Variants in ITGA9 observed in about 807,000 individuals in gnomAD.
ITGA9 encodes integrin subunit alpha 9.
ITGA9 carries 56 observed loss-of-function variants against 127.8 expected under a neutral mutation model. The ratio of observed to expected loss-of-function variants is 0.44; its 90% CI spans 0.35 to 0.55. The LOEUF (loss-of-function observed/expected upper bound fraction) is 0.55, where lower values mean the gene tolerates loss of function less well. Ranked by LOEUF, ITGA9 falls within the 20% of genes least tolerant of loss-of-function variation. The probability of loss-of-function intolerance (pLI) is 0.00; values close to 1 mark genes in which losing one functional copy is unlikely to be tolerated. For missense variants in ITGA9, 1,196 were observed against 1,347.1 expected, an observed-to-expected ratio of 0.89 and a Z score of 1.76; for synonymous variants, 508 against 514.5, an observed-to-expected ratio of 0.99 and a Z score of 0.17.
intron 15 of ITGA9, among the ~76,000 whole-genome samples, chr3:37,596,013 G>A (rs1043784091): frequency 9.2e-5 from 14 of 152,186 alleles, no homozygotes; most frequent in African/African-American, 2.7e-4. Context: ...ATTGTGCAAG[G>A]TGCTAGGAAT....
chr3:37,557,067 A>G (rs1457109029), intron 15 of ITGA9, among the ~76,000 whole-genome samples: 1 of 152,210 alleles, frequency 6.6e-6, no homozygotes, highest in Non-Finnish European at 1.5e-5. Flanking sequence ...ACTTCACTGC[A>G]GTGTTTTTGG....
At position 37,747,716 on chromosome 3, in the gene ITGA9, CT is replaced by C. The variant is rs56897652; in HGVS notation, c.2434-2734del. On this transcript the variant is annotated intron_variant, in intron 22 of 27. Coordinates refer to ENST00000264741, the MANE Select transcript of ITGA9 (RefSeq NM_002207.3). ...CTGGCTTATTTCTTTCCTTTTTTTT[CT>C]TTTTTTTTTTTGTTTTGTTTTGTTT... 1.4e-3 allele frequency among the ~76,000 whole-genome samples: 202 copies of C among 139,920 alleles called. 1 individual carries two copies. The highest frequency in any genetic ancestry group is 1.8e-3 in the Non-Finnish European group (114 of 64,862). 91.8% of individuals were successfully genotyped at this position (139,920 alleles called of 152,430 possible).
intron 15 of ITGA9, among the ~76,000 whole-genome samples, chr3:37,612,247 C>A (rs1409150822): frequency 6.6e-6 from 1 of 152,082 alleles, no homozygotes; most frequent in Non-Finnish European, 1.5e-5. Flanking sequence ...GCACGTGGAT[C>A]CTTTCTCAGA....
At chr3:37,647,793 A>G (rs549342802) in intron 16 of ITGA9, among the ~76,000 whole-genome samples, 1 of 152,306 alleles carries the variant, frequency 6.6e-6, no homozygotes, top group Non-Finnish European at 1.5e-5. Flanking sequence ...CATGTTATCA[A>G]AAATGGCAGG....
At chr3:37,641,523 C>T (rs956429053) in intron 16 of ITGA9, among the ~76,000 whole-genome samples, 3 of 152,044 alleles carry the variant, frequency 2.0e-5, no homozygotes, top group Non-Finnish European at 2.9e-5. Flanking sequence ...GGGAGCCAGC[C>T]GCACCACCAT....
At position 37,744,014 on chromosome 3, in the gene ITGA9, C is replaced by T; in HGVS notation, c.2413C>T (p.Pro805Ser). The T allele has an allele frequency of 1.9e-6, 3 of 1,613,238 alleles. No individual in the cohort carries two copies. The highest frequency in any genetic ancestry group is 2.5e-6 in the Non-Finnish European group (3 of 1,179,156). The change falls in exon 22 of 28, where the codon CCC (proline) becomes TCC (serine). Residue 805 changes from proline to serine, a missense_variant. Pro to Ser is a moderately conservative substitution (Grantham distance 74, BLOSUM62 -1). Transcript: ENST00000264741. ...GGATGACCTGGAGTGTCACTTTCAG[C>T]CCATCAATATCACCCTTCAGGTACC... ...QLDDLECHFQ[P>S]INITLQVYNT...
chr3:37,691,549 T>C (rs188186813), intron 18 of ITGA9, among the ~76,000 whole-genome samples: 225 of 152,284 alleles, frequency 1.5e-3, no homozygotes, highest in Non-Finnish European at 2.3e-3. Flanking sequence ...CTTATGACTT[T>C]GGCAGCTAAT....
chr3:37,660,773 C>G (rs753423860), intron 17 of ITGA9, among the ~76,000 whole-genome samples: 3 of 152,232 alleles, frequency 2.0e-5, no homozygotes, highest in African/African-American at 7.2e-5. Context: ...AGGCTGGACT[C>G]AGCTGGACCT....
chr3:37,612,351 T>C (rs546361913), intron 15 of ITGA9, among the ~76,000 whole-genome samples: 1 of 152,306 alleles, frequency 6.6e-6, no homozygotes, highest in East Asian at 1.9e-4. Context: ...AAGACCACTT[T>C]ATGATATAAT....
At chr3:37,787,901 T>A (rs1280981737) in intron 26 of ITGA9, among the ~76,000 whole-genome samples, 3 of 152,258 alleles carry the variant, frequency 2.0e-5, no homozygotes, top group Non-Finnish European at 4.4e-5. Flanking sequence ...CCACATAACG[T>A]GTGCACGGTG....
intron 9 of ITGA9, 144 bp from the exon 10 acceptor site, chr3:37,517,360 T>G (rs1032747640): frequency 9.9e-6 from 7 of 703,904 alleles, no homozygotes; most frequent in South Asian, 3.0e-5. Flanking sequence ...AAGTTTGGGT[T>G]CCTGTAATTC....
intron 24 of ITGA9, among the ~76,000 whole-genome samples, chr3:37,777,842 A>G (rs1696926398): frequency 6.6e-6 from 1 of 152,266 alleles, no homozygotes; most frequent in Admixed American, 6.5e-5. Context: ...AATATCTACT[A>G]AAACAAAACG....
At chr3:37,455,172 T>C (rs777816516) in intron 1 of ITGA9, among the ~76,000 whole-genome samples, 3 of 152,240 alleles carry the variant, frequency 2.0e-5, no homozygotes, top group Non-Finnish European at 4.4e-5. Context: ...GGTAACTGAT[T>C]GTTGGTCGCT....
intron 18 of ITGA9, among the ~76,000 whole-genome samples, chr3:37,708,618 CT>C (rs1701035403): frequency 0.035 from 8 of 226 alleles, no homozygotes; most frequent in Middle Eastern, 0.5. Flanking sequence ...CTATTAGCAT[CT>C]AGTGGGTATG....
intron 15 of ITGA9, among the ~76,000 whole-genome samples, chr3:37,596,091 T>G (rs1400465673): frequency 6.6e-6 from 1 of 152,152 alleles, no homozygotes; most frequent in African/African-American, 2.4e-5. Flanking sequence ...CAAATAACTG[T>G]GAACAAATGT....
intron 26 of ITGA9, among the ~76,000 whole-genome samples, chr3:37,793,476 C>T (rs1419451000): frequency 4.6e-5 from 7 of 151,448 alleles, no homozygotes; most frequent in African/African-American, 1.2e-4. Flanking sequence ...TGTATGCATA[C>T]GTGCCCAGAG....
At chr3:37,796,721 TC>T (rs1375049338) in intron 26 of ITGA9, among the ~76,000 whole-genome samples, 39 of 152,246 alleles carry the variant, frequency 2.6e-4, no homozygotes, top group African/African-American at 9.4e-4. Context: ...GCAAACTGAG[TC>T]GTGTTCATAC....
chr3:37,566,462 C>T (rs1323276154), intron 15 of ITGA9, among the ~76,000 whole-genome samples: 1 of 152,212 alleles, frequency 6.6e-6, no homozygotes, highest in African/African-American at 2.4e-5. Context: ...ATGATAACAT[C>T]TTACATATAC....
intron 18 of ITGA9, among the ~76,000 whole-genome samples, chr3:37,720,103 A>T (rs1167762046): frequency 6.6e-6 from 1 of 152,196 alleles, no homozygotes; most frequent in Admixed American, 6.5e-5. Context: ...GGGGCCTGAG[A>T]ATCTGCATTT....
Sources: allele counts gnomAD v4.1 joint callset (sites outside exome capture counted in the v4.1 genomes callset), GRCh38; gene constraint gnomAD v4.1.1; transcripts MANE v1.5; gene names NCBI Gene and HGNC (gene_info 2026-07-23, HGNC 2026-07-21).